The following AIRE variants were observed in gnomAD, a reference collection of about 807,000 sequenced individuals.
The protein encoded by AIRE is autoimmune polyendocrinopathy candidiasis ectodermal dystrophy protein.
A neutral mutation model predicts 62.1 loss-of-function variants in AIRE; 52 were observed. That is an observed-to-expected ratio of 0.84 (90% confidence interval 0.67 to 1.06). The LOEUF (loss-of-function observed/expected upper bound fraction) is 1.06, where lower values mean the gene tolerates loss of function less well. Ranked by LOEUF, AIRE falls within the 50% of genes least tolerant of loss-of-function variation. The probability of loss-of-function intolerance (pLI) is 0.00; values close to 1 mark genes in which losing one functional copy is unlikely to be tolerated. For missense variants in AIRE, 774 were observed against 755.8 expected (o/e 1.02, Z -0.28); for synonymous variants, 342 against 321.6 (o/e 1.06, Z -0.68).
chr21:44,288,316 G>A (rs751759051), intron 4 of AIRE, 29 bp from the exon 5 acceptor site: 1 of 1,515,136 alleles, frequency 6.6e-7, no homozygotes, highest in South Asian at 1.1e-5. Flanking sequence ...TTCCCCACGG[G>A]TGACCCCAAT....
At chr21:44,293,744 T>C (rs1204775654) in intron 10 of AIRE, 45 bp from the exon 11 acceptor site, 3 of 1,594,486 alleles carry the variant, frequency 1.9e-6, no homozygotes, top group Non-Finnish European at 2.5e-6. Flanking sequence ...TTCAGCTACA[T>C]TTCCCCCGGC....
At chr21:44,295,760 CT>C (rs1374442874) in intron 12 of AIRE, among the ~76,000 whole-genome samples, 1 of 152,150 alleles carries the variant, frequency 6.6e-6, no homozygotes, top group Non-Finnish European at 1.5e-5. Flanking sequence ...CTCCCACCCC[CT>C]GGGAGCATCC....
Position 44,293,137 on chromosome 21 carries a change from C to T in AIRE, c.1240C>T (p.Leu414=). 6.3e-7 allele frequency: 1 copy of T among 1,586,924 alleles called. No individual in the cohort carries two copies. Among genetic ancestry groups the T allele is most frequent in the Non-Finnish European group, 8.6e-7 (1 of 1,167,132 alleles). Residue 414 remains leucine (L), a synonymous_variant, in exon 10 of 14, where the codon CTG becomes TTG. Coordinates refer to ENST00000291582, the MANE Select transcript of AIRE (RefSeq NM_000383.4). ...APLPGLDSSA[L]HPLLCVGPEG... ...GCTGCCAGGGCTGGACTCCTCGGCC[C>T]TGCACCCCCTACTGTGTGTGGGTCC...
At chr21:44,294,133 A>C (rs1282503605) in intron 11 of AIRE, among the ~76,000 whole-genome samples, 2 of 96,786 alleles carry the variant, frequency 2.1e-5, no homozygotes, top group Admixed American at 1.1e-4. Context: ...TCCCCACCTC[A>C]TACCCTGCAC....
At chr21:44,296,319 G>A (rs1305408116) in intron 12 of AIRE, 64 bp from the exon 13 acceptor site, 102 of 1,464,866 alleles carry the variant, frequency 7.0e-5, no homozygotes, top group South Asian at 2.6e-4. Flanking sequence ...TAGGCCCTGC[G>A]GCCTCTGTAC....
chr21:44,295,686 C>T (rs1198786637), intron 12 of AIRE, among the ~76,000 whole-genome samples: 1 of 152,130 alleles, frequency 6.6e-6, no homozygotes, highest in Non-Finnish European at 1.5e-5. Flanking sequence ...TTGGCCTCCC[C>T]CCTCAGCCTG....
At position 44,287,263 on chromosome 21, in the gene AIRE, T is replaced by C. The variant is rs1246672292; in HGVS notation, c.463+130T>C. 8.6e-7 allele frequency: 1 copy of C among 1,162,376 alleles called. No homozygotes were observed. The highest frequency in any genetic ancestry group is 1.2e-6 in the Non-Finnish European group (1 of 816,768). 72.0% of individuals were successfully genotyped at this position (1,162,376 alleles called of 1,614,324 possible). A position where few individuals can be genotyped will look rare whatever the true frequency, so the allele number is the denominator to read the frequency against. ...GCCAGCCTGCCTGGGGCTGTGGGGG[T>C]CTCCTCTGGGTACTAGACCCACACA... On this transcript the variant is annotated intron_variant, in intron 3 of 13. Transcript: ENST00000291582. This position sits in a 1 kb window ranked among gnomAD's most constrained non-coding sequence, Gnocchi z 4.3.
At chr21:44,291,037 T>C in intron 7 of AIRE, 58 bp from the exon 8 acceptor site, 3 of 1,613,382 alleles carry the variant, frequency 1.9e-6, no homozygotes, top group Non-Finnish European at 2.5e-6. Context: ...AGGAGGTGGC[T>C]CTCAGGAGGG....
chr21:44,291,062 CCA>C (rs1228389054), intron 7 of AIRE, 31 bp from the exon 8 acceptor site: 2 of 1,613,300 alleles, frequency 1.2e-6, no homozygotes, highest in African/African-American at 2.7e-5. Flanking sequence ...GCACCCCAGC[CCA>C]GTCTGCATGG....
chr21:44,293,290 G>A, intron 10 of AIRE, 115 bp downstream of exon 10: 1 of 748,290 alleles, frequency 1.3e-6, no homozygotes, highest in Non-Finnish European at 1.8e-6. Flanking sequence ...GCTCCGGGAG[G>A]CACAGGGCCT....
Position 44,286,362 on chromosome 21 carries a change from C to T in AIRE, c.133-195C>T, listed in dbSNP as rs1226095286. ...CACCCCCAAGCCAAGGGAATGGCCT[C>T]CAGGTTCCCCCAGCCCCACCCTCAA... On this transcript the variant is annotated intron_variant, in intron 1 of 13. Coordinates refer to ENST00000291582, the MANE Select transcript of AIRE (RefSeq NM_000383.4). This position sits in a 1 kb window ranked among gnomAD's most constrained non-coding sequence, Gnocchi z 6.0. Among the ~76,000 whole-genome samples, 8 of 151,978 alleles carry T rather than the reference C, an allele frequency of 5.3e-5. No individual in the cohort carries two copies. In the East Asian group the frequency reaches 1.6e-3, roughly 29 times the overall value.
At chr21:44,291,329 A>C in intron 8 of AIRE, 119 bp downstream of exon 8, 3 of 1,467,224 alleles carry the variant, frequency 2.0e-6, no homozygotes, top group Non-Finnish European at 2.8e-6. Context: ...AGGGGTTCTG[A>C]GTCAGGTCAC....
In AIRE at chr21:44,288,347, AT is replaced by A. The variant is rs773143714; in HGVS notation, c.543del (p.Gln182ArgfsTer196). 1 of 1,604,994 alleles carries A rather than the reference AT, an allele frequency of 6.2e-7. No individual in the cohort carries two copies. Among genetic ancestry groups the A allele is most frequent in the African/African-American group, 1.3e-5 (1 of 74,918 alleles). ...EQQRLPLGNGIQTMSASVQRA... is the reference protein window; with the variant it reads ...EQQRLPLGNGXQTMSASVQRA... ...CCAATGGGTGTTCCCTTTCCCAGGG[AT>A]TCAGACCATGTCAGCTTCAGTCCAG... On this transcript the variant is annotated frameshift_variant, in exon 5 of 14. Coordinates refer to ENST00000291582, the MANE Select transcript of AIRE (RefSeq NM_000383.4). LOFTEE classifies it high-confidence loss of function.
Position 44,297,816 on chromosome 21 carries a change from C to T in AIRE, c.*89C>T, listed in dbSNP as rs1368599240. 1 of 1,275,162 alleles carries T rather than the reference C, an allele frequency of 7.8e-7. No homozygotes were observed. The highest frequency in any genetic ancestry group is 1.1e-6 in the Non-Finnish European group (1 of 896,824). 79.0% of individuals were successfully genotyped at this position (1,275,162 alleles called of 1,614,324 possible). ...GTCCTGGAAGCCGGCCGGCTGGGAT[C>T]AAGAAGGGGACAGCGCCACCTCTTG... is the stretch of plus-strand genomic sequence containing the variant. On this transcript the variant is annotated 3_prime_UTR_variant, in exon 14 of 14. Coordinates refer to ENST00000291582, the MANE Select transcript of AIRE (RefSeq NM_000383.4). The surrounding 1 kb of genome is among the most constrained non-coding windows in gnomAD (Gnocchi z 4.8).
chr21:44,289,857 AAC>A, intron 6 of AIRE, 55 bp downstream of exon 6: 2 of 1,610,758 alleles, frequency 1.2e-6, no homozygotes, highest in Admixed American at 3.3e-5. Context: ...CCGCCCCAGG[AAC>A]AGCGTTGCCT....
rs2040618754 is a variant in AIRE at position 44,297,211 on chromosome 21, C to T, written c.1567-445C>T. Among the ~76,000 whole-genome samples, 1 of 152,226 alleles carries T rather than the reference C, an allele frequency of 6.6e-6. No homozygotes were observed. Among genetic ancestry groups the T allele is most frequent in the African/African-American group, 2.4e-5 (1 of 41,458 alleles). On this transcript the variant is annotated intron_variant, in intron 13 of 13. Coordinates refer to ENST00000291582, the MANE Select transcript of AIRE (RefSeq NM_000383.4). The surrounding 1 kb of genome is among the most constrained non-coding windows in gnomAD (Gnocchi z 4.8). ...GAAATGAGCGACGGGCTCACAGCCT[C>T]TCCCGGGTGGCGGTCTTATTCTGCT...
chr21:44,292,569 TCTC>T (rs2040554260), intron 9 of AIRE, among the ~76,000 whole-genome samples, 168 bp downstream of exon 9: 1 of 152,068 alleles, frequency 6.6e-6, no homozygotes, highest in South Asian at 2.1e-4. Flanking sequence ...GTCCTTGTGG[TCTC>T]CTGCAGTGGA....
rs564103678 is a variant in AIRE at position 44,293,182 on chromosome 21, G to C, written c.1278+7G>C. 5.2e-6 allele frequency: 8 copies of C among 1,546,706 alleles called. No individual in the cohort carries two copies. The Admixed American group carries it at 1.4e-4, about 26-fold the overall frequency. On this transcript the variant is annotated splice_region_variant and intron_variant, in intron 10 of 13. Transcript: ENST00000291582. ...GGGTCCTGAGGGTCAGCAGGTGAGC[G>C]GGGAGTGGGGGTCAGGGTGGGCTCT...
rs386833672 is a variant in AIRE, at chr21:44,293,060, T to TA, written c.1163_1164insA (p.Met388IlefsTer36). 24 of 1,612,362 alleles carry TA rather than the reference T, an allele frequency of 1.5e-5. No homozygotes were observed. The highest frequency in any genetic ancestry group is 1.9e-5 in the Non-Finnish European group (22 of 1,179,832). On this transcript the variant is annotated frameshift_variant, in exon 10 of 14. Coordinates refer to ENST00000291582, the MANE Select transcript of AIRE (RefSeq NM_000383.4). LOFTEE classifies it high-confidence loss of function. The stretch of plus-strand genomic sequence containing the variant: ...CCACCTGGGGAACCCCTAGCCGGCA[T>TA]GGACACGACTCTTGTCTACAAGCAC...
Sources: gnomAD v4.1 joint callset for allele counts (sites outside exome capture counted in the v4.1 genomes callset) on GRCh38, gnomAD v4.1.1 for gene constraint, Gnocchi (gnomAD v3.1) non-coding constraint, MANE v1.5 for transcripts, NCBI Gene and HGNC (gene_info 2026-07-23, HGNC 2026-07-21) for gene names.